Variants in GALNT17 observed in about 807,000 individuals in gnomAD.
GALNT17 encodes polypeptide N-acetylgalactosaminyltransferase 17.
A neutral mutation model predicts 63.7 loss-of-function variants in GALNT17; 29 were observed. The observed-to-expected ratio is 0.46, with a 90% CI of 0.34 to 0.62. GALNT17 has a LOEUF of 0.62. Among genes scored for constraint, GALNT17 ranks in the 20% least tolerant of loss-of-function variants. The pLI, the probability that GALNT17 is intolerant of heterozygous loss-of-function variation, is 0.01. For missense variants in GALNT17, 603 were observed against 799.6 expected (o/e 0.75, Z 2.97); for synonymous variants, 305 against 318.3 (o/e 0.96, Z 0.45).
chr7:71,146,681 C>G (rs558046825), intron 1 of GALNT17, among the ~76,000 whole-genome samples: 2 of 152,148 alleles, frequency 1.3e-5, no homozygotes, highest in Non-Finnish European at 2.9e-5. Flanking sequence ...ATCTTCCTCT[C>G]CCCTAGTGAT....
At chr7:71,304,321 G>A (rs1465182704) in intron 1 of GALNT17, among the ~76,000 whole-genome samples, 1 of 152,210 alleles carries the variant, frequency 6.6e-6, no homozygotes, top group African/African-American at 2.4e-5. Context: ...ACGGCGTTCA[G>A]AGGTGGATTA....
At chr7:71,159,788 TG>T (rs1788307129) in intron 1 of GALNT17, among the ~76,000 whole-genome samples, 1 of 150,770 alleles carries the variant, frequency 6.6e-6, no homozygotes, top group East Asian at 1.9e-4. Flanking sequence ...ATTATTATTT[TG>T]GGTTTTTTTT....
rs527965072 is a variant in GALNT17 at position 71,267,781 on chromosome 7, C to T, written c.239-67769C>T. ...CGAGTGCCATGCTGGTTTTCTGCAC[C>T]TGTGAACCCATCACCTAGGTATTCA... On this transcript the variant is annotated intron_variant, in intron 1 of 10. Transcript: ENST00000333538. Among the ~76,000 whole-genome samples, 456 of 152,184 alleles carry T rather than the reference C, an allele frequency of 3.0e-3. 3 individuals carry two copies. The highest frequency in any genetic ancestry group is 0.011 in the African/African-American group (444 of 41,510).
chr7:71,397,964 T>TGTTGTTGTG (rs1793170390), intron 3 of GALNT17, among the ~76,000 whole-genome samples: 1 of 151,318 alleles, frequency 6.6e-6, no homozygotes, highest in African/African-American at 2.4e-5. Flanking sequence ...TTGTTGTTGT[T>TGTTGTTGTG]GTTGTTGTTG....
In GALNT17 at chr7:71,445,179, C is replaced by CTT. The variant is rs748963165; in HGVS notation, c.962+24090_962+24091dup. Among the ~76,000 whole-genome samples the CTT allele has an allele frequency of 2.6e-3, 345 of 130,398 alleles. 3 individuals are homozygous for CTT. The highest frequency in any genetic ancestry group is 9.2e-3 in the African/African-American group (327 of 35,520). 85.5% of individuals were successfully genotyped at this position (130,398 alleles called of 152,430 possible). A position where few individuals can be genotyped will look rare whatever the true frequency, so the allele number is the denominator to read the frequency against. On this transcript the variant is annotated intron_variant, in intron 5 of 10. Transcript: ENST00000333538. ...GAGCCACCTTTTTTTTTCTTTCTTT[C>CTT]TTTTTTTTTTTTTTTTTGAGACAGA...
rs553005615 is a variant in GALNT17 at position 71,643,074 on chromosome 7, G to A, written c.1081-22337G>A. Among the ~76,000 whole-genome samples the A allele has an allele frequency of 3.9e-5, 6 of 152,264 alleles. No individual in the cohort carries two copies. The East Asian group carries it at 5.8e-4, about 15-fold the overall frequency. On this transcript the variant is annotated intron_variant, in intron 6 of 10. Transcript: ENST00000333538. ...GAACTTCGTCGATAGGATGGATGGC[G>A]CTTCAAATTTTCCAGGACAAAGACC... is the stretch of plus-strand genomic sequence containing the variant.
intron 2 of GALNT17, among the ~76,000 whole-genome samples, chr7:71,350,376 C>T (rs1327356366): frequency 1.3e-5 from 2 of 151,888 alleles, no homozygotes; most frequent in South Asian, 2.1e-4. Context: ...AAAATAAACA[C>T]GAGCTAATTA....
Position 71,166,156 on chromosome 7 carries a change from C to A in GALNT17, c.238+33116C>A, listed in dbSNP as rs142591061. Reference sequence around the variant, plus strand: ...ATTTTTCTTTGCAAATGGACGTTGGCGCTCAATGTAGAGCAGCCTTGTAGC... The same window carrying A: ...ATTTTTCTTTGCAAATGGACGTTGGAGCTCAATGTAGAGCAGCCTTGTAGC... On this transcript the variant is annotated intron_variant, in intron 1 of 10. Transcript: ENST00000333538. Among the ~76,000 whole-genome samples the A allele has an allele frequency of 1.3e-4, 20 of 152,288 alleles. No homozygotes were observed. In the East Asian group the frequency reaches 3.9e-3, roughly 29 times the overall value.
rs1044145385 is a variant in GALNT17 at position 71,146,576 on chromosome 7, G to C, written c.238+13536G>C. 2.6e-4 allele frequency among the ~76,000 whole-genome samples: 40 copies of C among 152,068 alleles called. 2 individuals are homozygous for C. Among genetic ancestry groups the C allele is most frequent in the Non-Finnish European group, 8.8e-5 (6 of 67,998 alleles). On this transcript the variant is annotated intron_variant, in intron 1 of 10. Transcript: ENST00000333538. ...GGGAAGAAGTCCAGGGAGAGGGAGTGCTCACTGCCTTCCCTCCCTTCTCCC... is the reference window on the plus strand; with the variant it reads ...GGGAAGAAGTCCAGGGAGAGGGAGTCCTCACTGCCTTCCCTCCCTTCTCCC...
intron 1 of GALNT17, among the ~76,000 whole-genome samples, chr7:71,302,031 G>A (rs982512212): frequency 6.6e-6 from 1 of 152,178 alleles, no homozygotes. Context: ...AAAGGAATGA[G>A]ATCATGTCCT....
At chr7:71,443,316 G>T (rs963013472) in intron 5 of GALNT17, among the ~76,000 whole-genome samples, 8 of 152,186 alleles carry the variant, frequency 5.3e-5, no homozygotes, top group African/African-American at 1.7e-4. Context: ...AAGCATGACG[G>T]TCTTTACACG....
At chr7:71,329,232 G>A (rs886394617) in intron 1 of GALNT17, among the ~76,000 whole-genome samples, 1 of 152,164 alleles carries the variant, frequency 6.6e-6, no homozygotes, top group African/African-American at 2.4e-5. Flanking sequence ...CCTTGGGAGT[G>A]TGTGGCTTGT....
intron 1 of GALNT17, among the ~76,000 whole-genome samples, chr7:71,229,225 G>A (rs549113829): frequency 2.6e-5 from 4 of 152,214 alleles, no homozygotes; most frequent in Non-Finnish European, 4.4e-5. Context: ...CCAGCGCTCA[G>A]ATGGTGCTGC....
chr7:71,653,913 C>G (rs1790789854), intron 6 of GALNT17, among the ~76,000 whole-genome samples: 1 of 152,210 alleles, frequency 6.6e-6, no homozygotes, highest in South Asian at 2.1e-4. Context: ...GTTCAGTCCA[C>G]AGTTCCCCCT....
chr7:71,412,350 C>T (rs1051395216), intron 3 of GALNT17, among the ~76,000 whole-genome samples: 1 of 151,890 alleles, frequency 6.6e-6, no homozygotes, highest in Non-Finnish European at 1.5e-5. Flanking sequence ...GGAACTGTCA[C>T]CTTCTCTCCT....
intron 5 of GALNT17, among the ~76,000 whole-genome samples, chr7:71,472,417 G>A (rs971569888): frequency 6.6e-6 from 1 of 152,134 alleles, no homozygotes; most frequent in South Asian, 2.1e-4. Context: ...GGCTGGGCGC[G>A]GTGGCTCATG....
Position 71,222,726 on chromosome 7 carries a change from A to C in GALNT17, c.238+89686A>C, listed in dbSNP as rs76663463. Among the ~76,000 whole-genome samples the C allele has an allele frequency of 4.6e-3, 700 of 152,288 alleles. 6 individuals are homozygous for C. Among genetic ancestry groups the C allele is most frequent in the African/African-American group, 0.016 (668 of 41,552 alleles). ...CATCAGAGAGGTGATGTGTCCTTCT[A>C]AGTGCATCATATGTCTTACTACTGG... On this transcript the variant is annotated intron_variant, in intron 1 of 10. Coordinates refer to ENST00000333538, the MANE Select transcript of GALNT17 (RefSeq NM_022479.3).
At chr7:71,445,412 G>A (rs1259912939) in intron 5 of GALNT17, among the ~76,000 whole-genome samples, 2 of 151,154 alleles carry the variant, frequency 1.3e-5, no homozygotes, top group Non-Finnish European at 2.9e-5. Flanking sequence ...GGCCAGGCTG[G>A]TCTCGAACTC....
intron 1 of GALNT17, among the ~76,000 whole-genome samples, chr7:71,299,998 G>A (rs1420350731): frequency 1.3e-5 from 2 of 152,012 alleles, no homozygotes; most frequent in African/African-American, 2.4e-5. Context: ...GGCTGGTCTC[G>A]AAATCCTGAC....
Sources: allele counts gnomAD v4.1 joint callset (sites outside exome capture counted in the v4.1 genomes callset), GRCh38; gene constraint gnomAD v4.1.1; transcripts MANE v1.5; gene names NCBI Gene and HGNC (gene_info 2026-07-23, HGNC 2026-07-21).